The following CHIA variants were observed in gnomAD, a reference collection of about 807,000 sequenced individuals.
CHIA encodes chitinase acidic.
In CHIA, 47 loss-of-function variants were observed where a neutral mutation model predicts 53.5. That is an observed-to-expected ratio of 0.88 (90% confidence interval 0.70 to 1.12). CHIA has a LOEUF of 1.12. Among genes scored for constraint, CHIA ranks in the 50% most tolerant of loss-of-function variants. The pLI is 0.00. For missense variants in CHIA, 652 were observed against 592.2 expected (o/e 1.10, Z -1.05); for synonymous variants, 268 against 222.2 (o/e 1.21, Z -1.83).
chr1:111,315,081 G>C (rs1649041663), intron 5 of CHIA, 189 bp from the exon 6 acceptor site: 3 of 568,332 alleles, frequency 5.3e-6, no homozygotes, highest in Admixed American at 3.1e-5. Context: ...AGAATAAAGG[G>C]AATGTTAAGA....
chr1:111,314,981 G>A (rs1649030367), intron 5 of CHIA: 1 of 427,550 alleles, frequency 2.3e-6, no homozygotes, highest in Non-Finnish European at 4.2e-6. Flanking sequence ...GAGGGTACAT[G>A]TTTGGGGAGG....
intron 1 of CHIA, among the ~76,000 whole-genome samples, chr1:111,308,754 C>T (rs972353045): frequency 6.6e-6 from 1 of 152,146 alleles, no homozygotes; most frequent in Non-Finnish European, 1.5e-5. Flanking sequence ...CCTAAGCCTT[C>T]CTCCCACACC....
chr1:111,311,063 A>G (rs1648625211), intron 2 of CHIA, among the ~76,000 whole-genome samples: 1 of 152,230 alleles, frequency 6.6e-6, no homozygotes, highest in African/African-American at 2.4e-5. Flanking sequence ...AGTCATACCA[A>G]GAATTTATTA....
At chr1:111,293,284 A>G (rs1661137351) in intron 1 of CHIA, among the ~76,000 whole-genome samples, 1 of 152,178 alleles carries the variant, frequency 6.6e-6, no homozygotes, top group African/African-American at 2.4e-5. Flanking sequence ...CCTAGTGGAT[A>G]TGAGGTGATG....
intron 4 of CHIA, among the ~76,000 whole-genome samples, chr1:111,313,258 T>C (rs1474101746): frequency 6.6e-6 from 1 of 152,200 alleles, no homozygotes; most frequent in Non-Finnish European, 1.5e-5. Flanking sequence ...ATACTAATGT[T>C]CATTCCCACC....
intron 1 of CHIA, among the ~76,000 whole-genome samples, chr1:111,294,898 G>A (rs149748512): frequency 5.3e-5 from 8 of 152,256 alleles, no homozygotes; most frequent in Non-Finnish European, 5.9e-5. Flanking sequence ...CGTGAACACA[G>A]TATATAATCC....
chr1:111,295,227 C>T (rs1035587723), intron 1 of CHIA, among the ~76,000 whole-genome samples: 5 of 152,178 alleles, frequency 3.3e-5, no homozygotes, highest in Non-Finnish European at 2.9e-5. Flanking sequence ...GTCACCCAGG[C>T]TGGAATGCAG....
chr1:111,311,759 T>C (rs753541128), intron 3 of CHIA, 41 bp downstream of exon 3: 24 of 1,598,268 alleles, frequency 1.5e-5, no homozygotes, highest in Admixed American at 5.0e-5. Flanking sequence ...AATGTATATA[T>C]ACGAGATAAA....
chr1:111,302,947 A>C (rs1647879524), intron 1 of CHIA, among the ~76,000 whole-genome samples: 1 of 152,136 alleles, frequency 6.6e-6, no homozygotes. Flanking sequence ...CATTAGGTAC[A>C]TAAATGTTTG....
In CHIA at chr1:111,318,494, A is replaced by G. The variant is rs754486279; in HGVS notation, c.731A>G (p.Asp244Gly). 6.2e-7 allele frequency: 1 copy of G among 1,612,766 alleles called. No homozygotes were observed. The highest frequency in any genetic ancestry group is 8.5e-7 in the Non-Finnish European group (1 of 1,179,122). Reference sequence around the variant, plus strand: ...GTAACTAACCCACTGACATTGCAGGATTATGTCATGAACTACTGGAAGGAC... The same window carrying G: ...GTAACTAACCCACTGACATTGCAGGGTTATGTCATGAACTACTGGAAGGAC... ...DTGSNAYLNV[D>G]YVMNYWKDNG... is the part of the protein sequence containing the mutation. Residue 244 changes from aspartate to glycine, a missense_variant and splice_region_variant, in exon 9 of 12, where the codon GAT (aspartate) becomes GGT (glycine). Asp to Gly is a moderately conservative substitution (Grantham distance 94, BLOSUM62 -1). Transcript: ENST00000369740.
At chr1:111,296,896 GAAAA>G (rs1210042315) in intron 1 of CHIA, among the ~76,000 whole-genome samples, 1 of 152,184 alleles carries the variant, frequency 6.6e-6, no homozygotes, top group African/African-American at 2.4e-5. Flanking sequence ...TGACAGAACG[GAAAA>G]CCATGGCACG....
intron 1 of CHIA, among the ~76,000 whole-genome samples, chr1:111,298,275 A>G (rs1411187601): frequency 6.6e-6 from 1 of 152,210 alleles, no homozygotes; most frequent in African/African-American, 2.4e-5. Flanking sequence ...CTCCACCCCA[A>G]ATCAACAGAA....
chr1:111,302,002 A>G (rs771736033), intron 1 of CHIA, among the ~76,000 whole-genome samples: 23 of 152,228 alleles, frequency 1.5e-4, no homozygotes, highest in Non-Finnish European at 2.5e-4. Context: ...ATGTATAGCT[A>G]TGTAACAAAC....
intron 3 of CHIA, among the ~76,000 whole-genome samples, 153 bp downstream of exon 3, chr1:111,311,871 G>T (rs1648709477): frequency 6.6e-6 from 1 of 151,982 alleles, no homozygotes; most frequent in Non-Finnish European, 1.5e-5. Context: ...ATCCTCTTCA[G>T]CATGACCATC....
chr1:111,316,101 T>C, intron 6 of CHIA: 1 of 277,572 alleles, frequency 3.6e-6, no homozygotes, highest in South Asian at 3.6e-5. Flanking sequence ...AAAGTGATGC[T>C]TGGGCTCAGT....
intron 4 of CHIA, among the ~76,000 whole-genome samples, chr1:111,312,999 A>G (rs12125099): frequency 0.13 from 20,048 of 151,592 alleles, 1,536 homozygotes; most frequent in African/African-American, 0.19. Flanking sequence ...CTTTTTTAAG[A>G]CTTAATAGTA....
chr1:111,300,043 C>T (rs892478131), intron 1 of CHIA, among the ~76,000 whole-genome samples: 22 of 152,178 alleles, frequency 1.4e-4, no homozygotes, highest in African/African-American at 5.1e-4. Context: ...AGGACCTCTT[C>T]AAGGAGAACT....
chr1:111,317,297 C>T (rs1649235621), intron 6 of CHIA: 1 of 195,458 alleles, frequency 5.1e-6, no homozygotes, highest in Admixed American at 5.2e-5. Flanking sequence ...GATGTCAGTC[C>T]TATAAAGTAG....
At chr1:111,291,796 C>A (rs1661036153) in intron 1 of CHIA, among the ~76,000 whole-genome samples, 1 of 135,602 alleles carries the variant, frequency 7.4e-6, no homozygotes, top group Non-Finnish European at 1.5e-5. Flanking sequence ...AATACATAGA[C>A]ACAGGGAGGG....
Sources: allele counts gnomAD v4.1 joint callset (sites outside exome capture counted in the v4.1 genomes callset), GRCh38; gene constraint gnomAD v4.1.1; transcripts MANE v1.5; gene names NCBI Gene and HGNC (gene_info 2026-07-23, HGNC 2026-07-21).